The following SCNN1B variants were observed in gnomAD, a reference collection of about 807,000 sequenced individuals.
SCNN1B encodes the protein epithelial sodium channel subunit beta.
A neutral mutation model predicts 65.3 loss-of-function variants in SCNN1B; 46 were observed. That is an observed-to-expected ratio of 0.70 (90% CI 0.56 to 0.90). The LOEUF is 0.90. SCNN1B is among the 40% of genes least tolerant of loss of function. The probability of loss-of-function intolerance (pLI) is 0.00; values close to 1 mark genes in which losing one functional copy is unlikely to be tolerated. For missense variants in SCNN1B, 751 were observed against 830.5 expected (o/e 0.90, Z 1.18); for synonymous variants, 349 against 330.6 (o/e 1.06, Z -0.60).
chr16:23,310,722 A>G (rs1961323028), intron 1 of SCNN1B, among the ~76,000 whole-genome samples: 1 of 152,254 alleles, frequency 6.6e-6, no homozygotes, highest in Non-Finnish European at 1.5e-5. Context: ...CCAAATACCC[A>G]TCCAAAAAGT....
rs576069985 is a variant in SCNN1B at position 23,307,221 on chromosome 16, T to C, written c.-9+4784T>C. 1.2e-3 allele frequency among the ~76,000 whole-genome samples: 178 copies of C among 151,736 alleles called. 4 individuals are homozygous for C. The South Asian group carries it at 0.019, about 16-fold the overall frequency. On this transcript the variant is annotated intron_variant, in intron 1 of 12. Coordinates refer to ENST00000343070, the MANE Select transcript of SCNN1B (RefSeq NM_000336.3). ...GGGTTCGAAGACAGAGTGAATGCAC[T>C]GCACAGTTCCTAGCATAGAATCTAG...
intron 1 of SCNN1B, among the ~76,000 whole-genome samples, chr16:23,303,590 A>G (rs1421250612): frequency 6.6e-6 from 1 of 152,136 alleles, no homozygotes; most frequent in Admixed American, 6.5e-5. Context: ...ACAGTCATAT[A>G]TACAGAGCCA....
upstream of SCNN1B, among the ~76,000 whole-genome samples, chr16:23,301,417 G>T (rs1406370524): frequency 1.6e-5 from 2 of 123,756 alleles, no homozygotes; most frequent in Non-Finnish European, 3.1e-5. Context: ...GGGAGGTGGA[G>T]AGAGAGAGAG....
intron 4 of SCNN1B, among the ~76,000 whole-genome samples, chr16:23,360,201 A>AAAATAAATAAATAAATAAATAAATAAAT (rs781261312): frequency 2.3e-5 from 3 of 132,852 alleles, no homozygotes; most frequent in Non-Finnish European, 3.3e-5. Flanking sequence ...CCATCTCAAA[A>AAAATAAATAAATAAATAAATAAATAAAT]AAATAAATAA....
chr16:23,330,263 T>C (rs1407541184), intron 1 of SCNN1B, among the ~76,000 whole-genome samples: 1 of 152,124 alleles, frequency 6.6e-6, no homozygotes, highest in Non-Finnish European at 1.5e-5. Flanking sequence ...TCCTCCAACC[T>C]GGATGGGCCC....
Position 23,380,472 on chromosome 16 carries a change from G to A in SCNN1B, c.1594G>A (p.Gly532Ser), listed in dbSNP as rs1202666580. ...LGGQFGFWMG[G>S]SVLCLIEFGE... ...TGGCCAGTTTGGCTTCTGGATGGGG[G>A]GCTCTGTGCTGTGCCTCATCGAGTT... The change falls in exon 13 of 13, where the codon GGC becomes AGC. Residue 532 changes from glycine (G) to serine (S), a missense_variant. Coordinates refer to ENST00000343070, the MANE Select transcript of SCNN1B (RefSeq NM_000336.3). The surrounding 1 kb of genome is among the most constrained non-coding windows in gnomAD (Gnocchi z 5.4). 6.2e-7 allele frequency: 1 copy of A among 1,614,086 alleles called. No individual in the cohort carries two copies. Among genetic ancestry groups the A allele is most frequent in the Non-Finnish European group, 8.5e-7 (1 of 1,180,034 alleles).
chr16:23,297,711 A>C (rs979328434), upstream of SCNN1B, among the ~76,000 whole-genome samples: 1 of 152,204 alleles, frequency 6.6e-6, no homozygotes, highest in African/African-American at 2.4e-5. Flanking sequence ...CCCATATATG[A>C]ACAAATTACT....
rs957144911 is a variant in SCNN1B, at chr16:23,371,324, C to T, written c.906C>T (p.Gly302=). The T allele has an allele frequency of 6.2e-7, 1 of 1,614,114 alleles. No individual in the cohort carries two copies. Among genetic ancestry groups the T allele is most frequent in the Non-Finnish European group, 8.5e-7 (1 of 1,180,004 alleles). The change falls in exon 6 of 13, where the codon GGC becomes GGT. Residue 302 remains glycine, a synonymous_variant. Coordinates refer to ENST00000343070, the MANE Select transcript of SCNN1B (RefSeq NM_000336.3). Reference sequence around the variant, plus strand: ...GCCTGAAGTTGATCCTGGACATAGGCCAGGAAGACTACGTCCCCTTCCTTG... The same window carrying T: ...GCCTGAAGTTGATCCTGGACATAGGTCAGGAAGACTACGTCCCCTTCCTTG... ...EFGLKLILDI[G]QEDYVPFLAS...
At position 23,283,303 on chromosome 16, in the gene SCNN1B, C is replaced by G. The variant is rs146706272; in HGVS notation, n.111-434C>G. 1.5e-3 allele frequency among the ~76,000 whole-genome samples: 224 copies of G among 152,144 alleles called. 1 individual carries two copies. The highest frequency in any genetic ancestry group is 5.2e-3 in the African/African-American group (214 of 41,530). ...GCACATGCCTGTAGTCCCAGCTACT[C>G]GGGAGGCTGAGATATGAGGATCTCT... On this transcript the variant is annotated intron_variant and non_coding_transcript_variant, in intron 1 of 3. Transcript: ENST00000569789.
chr16:23,364,601 C>A (rs184075918), intron 4 of SCNN1B, among the ~76,000 whole-genome samples: 174 of 152,272 alleles, frequency 1.1e-3, no homozygotes, highest in Non-Finnish European at 1.1e-3. Context: ...TAAGGATGAA[C>A]AGAGGCAGAG....
chr16:23,353,214 T>C (rs1962348853), intron 3 of SCNN1B, 140 bp downstream of exon 3: 4 of 1,058,050 alleles, frequency 3.8e-6, no homozygotes, highest in Non-Finnish European at 5.5e-6. Context: ...TTTGCAGAGA[T>C]TTTTTAAAAA....
intron 1 of SCNN1B, among the ~76,000 whole-genome samples, chr16:23,310,552 C>T (rs537629934): frequency 1.3e-5 from 2 of 152,256 alleles, no homozygotes; most frequent in South Asian, 4.1e-4. Flanking sequence ...GGCATAATGG[C>T]ACAAGTCCCA....
intron 1 of SCNN1B, among the ~76,000 whole-genome samples, chr16:23,339,549 CCTTAA>C (rs1294790279): frequency 4.6e-5 from 7 of 151,312 alleles, no homozygotes; most frequent in Admixed American, 2.6e-4. Context: ...CACCTGGCAT[CCTTAA>C]CTTATTTTTA....
intron 11 of SCNN1B, among the ~76,000 whole-genome samples, chr16:23,379,854 T>A (rs1266726499): frequency 6.6e-6 from 1 of 152,142 alleles, no homozygotes; most frequent in Non-Finnish European, 1.5e-5. Flanking sequence ...CAGTTCTCGT[T>A]TGGACCTCCC....
chr16:23,330,225 G>GCA (rs752786048), intron 1 of SCNN1B, among the ~76,000 whole-genome samples: 14 of 152,188 alleles, frequency 9.2e-5, no homozygotes, highest in Non-Finnish European at 1.8e-4. Context: ...GGTGGAGCAT[G>GCA]GGCTGGACTT....
Position 23,378,765 on chromosome 16 carries a change from C to A in SCNN1B, c.1464C>A (p.Ser488Arg). 1 of 1,614,008 alleles carries A rather than the reference C, an allele frequency of 6.2e-7. No individual in the cohort carries two copies. The highest frequency in any genetic ancestry group is 1.1e-5 in the South Asian group (1 of 91,084). ...ACCAAAGCACCAATATCACCCTGAG[C>A]AGGTGAGCCTGAGCCTGGGCGGGGC... ...ERDQSTNITL[S>R]RKGIVKLNIY... The change falls in exon 11 of 13, where the codon AGC becomes AGA. Residue 488 changes from serine (S) to arginine (R), a missense_variant and splice_region_variant. By Grantham distance (110) the Ser-to-Arg change is moderately radical (BLOSUM62 -1). Coordinates refer to ENST00000343070, the MANE Select transcript of SCNN1B (RefSeq NM_000336.3).
Position 23,290,445 on chromosome 16 carries a change from C to T in SCNN1B, n.178+6641C>T, listed in dbSNP as rs1205051296. Among the ~76,000 whole-genome samples, 5 of 152,156 alleles carry T rather than the reference C, an allele frequency of 3.3e-5. No homozygotes were observed. The East Asian group carries it at 9.6e-4, about 29-fold the overall frequency. On this transcript the variant is annotated intron_variant and non_coding_transcript_variant, in intron 2 of 3. Transcript: ENST00000569789. ...ACCTCAGCCTCCCGAGTAGCTGGGA[C>T]TACACGTGTGCACCACCATGTCTAG...
At chr16:23,299,250 G>A (rs1313671594), upstream of SCNN1B, among the ~76,000 whole-genome samples, 1 of 151,532 alleles carries the variant, frequency 6.6e-6, no homozygotes, top group East Asian at 1.9e-4. Flanking sequence ...AGTAGAGATG[G>A]GGCTTCACCA....
At chr16:23,368,414 T>C (rs1962717090) in intron 5 of SCNN1B, among the ~76,000 whole-genome samples, 1 of 152,072 alleles carries the variant, frequency 6.6e-6, no homozygotes, top group Non-Finnish European at 1.5e-5. Flanking sequence ...TGATGGCACG[T>C]ACCTGTAGTC....
Sources: allele counts gnomAD v4.1 joint callset (sites outside exome capture counted in the v4.1 genomes callset), GRCh38; gene constraint gnomAD v4.1.1; non-coding constraint Gnocchi (gnomAD v3.1); transcripts MANE v1.5; gene names NCBI Gene and HGNC (gene_info 2026-07-23, HGNC 2026-07-21).